Variants in PCSK2 observed in about 807,000 individuals in gnomAD.
PCSK2 encodes the protein neuroendocrine convertase 2.
A neutral mutation model predicts 69.7 loss-of-function variants in PCSK2; 14 were observed. That is an observed-to-expected ratio of 0.20 (90% confidence interval 0.13 to 0.31). PCSK2 has a LOEUF of 0.31. Ranked by LOEUF, PCSK2 falls within the 10% of genes least tolerant of loss-of-function variation. The pLI, the probability that PCSK2 is intolerant of heterozygous loss-of-function variation, is 1.00. For synonymous variants in PCSK2, 307 were observed against 320.7 expected (o/e 0.96, Z 0.46); for missense variants, 544 against 842.5 (o/e 0.65, Z 4.39).
chr20:17,344,640 C>CTTGT (rs10626075), intron 2 of PCSK2, among the ~76,000 whole-genome samples: 138,951 of 151,920 alleles, frequency 0.91, 63,684 homozygotes, highest in Middle Eastern at 0.96. Flanking sequence ...TAGCAGACAG[C>CTTGT]TTGTTTGTTC....
chr20:17,412,649 G>A (rs1246680260), intron 6 of PCSK2, among the ~76,000 whole-genome samples: 1 of 152,122 alleles, frequency 6.6e-6, no homozygotes, highest in Admixed American at 6.5e-5. Flanking sequence ...TAGCAAGGCA[G>A]GCCAACATTC....
chr20:17,300,030 T>C (rs765722680), intron 2 of PCSK2, among the ~76,000 whole-genome samples: 2 of 152,204 alleles, frequency 1.3e-5, no homozygotes, highest in Non-Finnish European at 2.9e-5. Flanking sequence ...AGTTGAGAGA[T>C]TGCTGTCCAC....
intron 2 of PCSK2, among the ~76,000 whole-genome samples, chr20:17,353,221 G>T (rs537242920): frequency 1.4e-5 from 2 of 138,688 alleles, no homozygotes; most frequent in Non-Finnish European, 3.1e-5. Flanking sequence ...CCAGCACTTT[G>T]GGAGGCCAAG....
At chr20:17,242,569 G>A (rs1019129069) in intron 1 of PCSK2, among the ~76,000 whole-genome samples, 1 of 152,222 alleles carries the variant, frequency 6.6e-6, no homozygotes, top group African/African-American at 2.4e-5. Flanking sequence ...TCTACTTTAT[G>A]TGTTGGGGTG....
At chr20:17,437,985 T>TCCCCC (rs11481325) in intron 8 of PCSK2, among the ~76,000 whole-genome samples, 1 of 150,036 alleles carries the variant, frequency 6.7e-6, no homozygotes, top group Non-Finnish European at 1.5e-5. Flanking sequence ...GGCCAGCAGT[T>TCCCCC]CCCCCCCACC....
chr20:17,401,825 G>T (rs921402709), intron 5 of PCSK2, among the ~76,000 whole-genome samples: 1 of 152,198 alleles, frequency 6.6e-6, no homozygotes, highest in Non-Finnish European at 1.5e-5. Context: ...TGCTTGATTT[G>T]AGGTGGTGGC....
At chr20:17,325,638 G>C (rs1483734905) in intron 2 of PCSK2, among the ~76,000 whole-genome samples, 1 of 152,242 alleles carries the variant, frequency 6.6e-6, no homozygotes, top group Non-Finnish European at 1.5e-5. Context: ...ATTGGTTATT[G>C]TCCATTCATC....
chr20:17,386,575 A>T (rs1460794171), intron 5 of PCSK2, among the ~76,000 whole-genome samples: 1 of 152,220 alleles, frequency 6.6e-6, no homozygotes, highest in African/African-American at 2.4e-5. Context: ...TATATGAGGT[A>T]TCTAGAGTAA....
chr20:17,389,035 G>A (rs1411076804), intron 5 of PCSK2, among the ~76,000 whole-genome samples: 2 of 151,906 alleles, frequency 1.3e-5, no homozygotes, highest in Non-Finnish European at 2.9e-5. Context: ...CCAGAGTTGG[G>A]GTTTTCTAAA....
At chr20:17,433,010 T>C (rs1260175294) in intron 7 of PCSK2, among the ~76,000 whole-genome samples, 2 of 152,204 alleles carry the variant, frequency 1.3e-5, no homozygotes, top group Non-Finnish European at 2.9e-5. Context: ...AGTTCCTCAC[T>C]GTTCTGGATT....
chr20:17,332,686 G>A (rs1259452817), intron 2 of PCSK2, among the ~76,000 whole-genome samples: 2 of 152,132 alleles, frequency 1.3e-5, no homozygotes, highest in Non-Finnish European at 2.9e-5. Flanking sequence ...GCTTTCCTGA[G>A]GATTCTGATG....
intron 2 of PCSK2, among the ~76,000 whole-genome samples, chr20:17,330,826 T>A (rs1990187673): frequency 6.6e-6 from 1 of 152,092 alleles, no homozygotes; most frequent in African/African-American, 2.4e-5. Flanking sequence ...TCCCCTGTGG[T>A]TGTAAGATGG....
At chr20:17,440,452 A>C (rs1386875300) in intron 8 of PCSK2, among the ~76,000 whole-genome samples, 1 of 152,220 alleles carries the variant, frequency 6.6e-6, no homozygotes, top group Non-Finnish European at 1.5e-5. Context: ...GTATTTCCTC[A>C]TCAGACAATG....
At chr20:17,347,891 AGAAAGAAAGAAAGAAAGAAAGAAAGAAAG>A (rs1437986831) in intron 2 of PCSK2, among the ~76,000 whole-genome samples, 7 of 11,706 alleles carry the variant, frequency 6.0e-4, no homozygotes, top group Non-Finnish European at 1.5e-3. Flanking sequence ...AAAGAAAGAA[AGAAAGAAAGAAAGAAAGAAAGAAAGAAAG>A]GAGAGAGAAA....
At chr20:17,319,365 G>A (rs1453108006) in intron 2 of PCSK2, among the ~76,000 whole-genome samples, 1 of 152,178 alleles carries the variant, frequency 6.6e-6, no homozygotes, top group East Asian at 1.9e-4. Context: ...CTCACGCAGA[G>A]GCAATCAGCT....
At chr20:17,323,669 G>A (rs753685284) in intron 2 of PCSK2, among the ~76,000 whole-genome samples, 2 of 152,220 alleles carry the variant, frequency 1.3e-5, no homozygotes, top group Non-Finnish European at 2.9e-5. Flanking sequence ...AGTAACTAAA[G>A]CTTTGTTATA....
At chr20:17,387,724 G>A (rs1372575506) in intron 5 of PCSK2, among the ~76,000 whole-genome samples, 1 of 152,152 alleles carries the variant, frequency 6.6e-6, no homozygotes, top group African/African-American at 2.4e-5. Context: ...CTGTATACAA[G>A]GTCATGAATA....
At chr20:17,405,420 GA>G (rs1461756202) in intron 5 of PCSK2, among the ~76,000 whole-genome samples, 3 of 152,152 alleles carry the variant, frequency 2.0e-5, no homozygotes, top group Non-Finnish European at 4.4e-5. Context: ...CTTCTCTGTG[GA>G]TGTAAAAGCA....
At chr20:17,350,405 C>T (rs575008328) in intron 2 of PCSK2, among the ~76,000 whole-genome samples, 235 of 151,834 alleles carry the variant, frequency 1.5e-3, no homozygotes, top group Non-Finnish European at 2.7e-3. Context: ...CAAGCAAAGA[C>T]GTCCCTCACC....
Sources: gnomAD v4.1 joint callset for allele counts (sites outside exome capture counted in the v4.1 genomes callset) on GRCh38, gnomAD v4.1.1 for gene constraint, MANE v1.5 for transcripts, NCBI Gene and HGNC (gene_info 2026-07-23, HGNC 2026-07-21) for gene names.